Variants in DYNC2I1 observed in about 807,000 individuals in gnomAD.
The protein encoded by DYNC2I1 is dynein 2 intermediate chain 1.
A neutral mutation model predicts 133.4 loss-of-function variants in DYNC2I1; 89 were observed. The ratio of observed to expected loss-of-function variants is 0.67; its 90% CI spans 0.56 to 0.80. The LOEUF (loss-of-function observed/expected upper bound fraction) is 0.80, where lower values mean the gene tolerates loss of function less well. DYNC2I1 is among the 30% of genes least tolerant of loss of function. DYNC2I1 has a pLI of 0.00. For synonymous variants in DYNC2I1, 504 were observed against 484.3 expected (o/e 1.04, Z -0.54); for missense variants, 1,291 against 1,314.5 (o/e 0.98, Z 0.28).
At chr7:158,922,334 C>G (rs1849181826) in intron 15 of DYNC2I1, 43 bp from the exon 16 acceptor site, 1 of 1,580,818 alleles carries the variant, frequency 6.3e-7, no homozygotes, top group Admixed American at 1.8e-5. Context: ...AACTTGGATT[C>G]TGGCAGGTCG....
At chr7:158,918,367 C>G (rs1469072059) in intron 14 of DYNC2I1, among the ~76,000 whole-genome samples, 1 of 152,146 alleles carries the variant, frequency 6.6e-6, no homozygotes, top group East Asian at 1.9e-4. Flanking sequence ...TTTTACCACT[C>G]ACTCTGGCTT....
At chr7:158,843,356 G>A in the DYNC2I1 span, among the ~76,000 whole-genome samples, 1 of 152,166 alleles carries the variant, frequency 6.6e-6, no homozygotes, top group South Asian at 2.1e-4. Flanking sequence ...CACCTCTCAG[G>A]TTCAAGCAAT....
intron 1 of DYNC2I1, among the ~76,000 whole-genome samples, chr7:158,866,389 T>C (rs1305051451): frequency 6.6e-6 from 1 of 151,254 alleles, no homozygotes; most frequent in Admixed American, 6.6e-5. Context: ...CCCCTCTCTG[T>C]GGTGCCCACG....
In DYNC2I1 at chr7:158,864,124, G is replaced by A. The variant is rs570711938; in HGVS notation, c.16-5731G>A. ...GGACGTCCTTAGCTCCGGGTGTGGG[G>A]GGGGGAGCAGACGTTCTTAGCTCTG... On this transcript the variant is annotated intron_variant, in intron 1 of 24. Coordinates refer to ENST00000407559, the MANE Select transcript of DYNC2I1 (RefSeq NM_018051.5). Among the ~76,000 whole-genome samples the A allele has an allele frequency of 7.3e-5, 11 of 151,410 alleles. 1 individual carries two copies. Among genetic ancestry groups the A allele is most frequent in the South Asian group, 6.3e-4 (3 of 4,776 alleles).
intron 11 of DYNC2I1, 62 bp from the exon 12 acceptor site, chr7:158,911,488 C>T: frequency 1.3e-6 from 2 of 1,563,652 alleles, no homozygotes; most frequent in Non-Finnish European, 1.7e-6. Flanking sequence ...TCTGTTCTCC[C>T]TACACTTCCC....
At chr7:158,852,669 G>A (rs975085229), upstream of DYNC2I1, among the ~76,000 whole-genome samples, 1 of 152,112 alleles carries the variant, frequency 6.6e-6, no homozygotes, top group Non-Finnish European at 1.5e-5. Flanking sequence ...AACCCTGGAG[G>A]CGGAGGTTGC....
upstream of DYNC2I1, among the ~76,000 whole-genome samples, chr7:158,853,204 A>T (rs557573566): frequency 3.9e-5 from 6 of 152,284 alleles, no homozygotes; most frequent in African/African-American, 1.4e-4. Context: ...CAAGGGGAGG[A>T]TGTAAACCAA....
At chr7:158,873,213 T>C (rs532124957) in intron 3 of DYNC2I1, among the ~76,000 whole-genome samples, 100 of 152,354 alleles carry the variant, frequency 6.6e-4, no homozygotes, top group African/African-American at 2.3e-3. Flanking sequence ...TTCTTCAGTA[T>C]TTTTTGGTTA....
intron 8 of DYNC2I1, among the ~76,000 whole-genome samples, chr7:158,897,070 A>G (rs1448441629): frequency 2.1e-5 from 3 of 143,396 alleles, no homozygotes; most frequent in African/African-American, 5.3e-5. Flanking sequence ...TGCAGCCTCC[A>G]CCTCCTGGGT....
intron 3 of DYNC2I1, among the ~76,000 whole-genome samples, chr7:158,875,515 T>A (rs973218016): frequency 6.6e-6 from 1 of 152,240 alleles, no homozygotes; most frequent in Non-Finnish European, 1.5e-5. Flanking sequence ...TGTGTGCAGA[T>A]TCAGAAGTGA....
upstream of DYNC2I1, among the ~76,000 whole-genome samples, chr7:158,853,574 C>G (rs1051932275): frequency 1.3e-5 from 2 of 151,726 alleles, no homozygotes; most frequent in Admixed American, 1.3e-4. Context: ...GCTGCTCAGA[C>G]AGAGATGATT....
At chr7:158,894,340 T>C (rs1246783938) in intron 8 of DYNC2I1, among the ~76,000 whole-genome samples, 1 of 152,200 alleles carries the variant, frequency 6.6e-6, no homozygotes, top group African/African-American at 2.4e-5. Context: ...TCCAAAGTAG[T>C]TTCCACTCAG....
At chr7:158,929,113 C>T (rs1849930021) in intron 20 of DYNC2I1, among the ~76,000 whole-genome samples, 1 of 152,224 alleles carries the variant, frequency 6.6e-6, no homozygotes, top group Admixed American at 6.5e-5. Flanking sequence ...GAACCACTTA[C>T]CCAAATTGCA....
At chr7:158,905,886 C>T in intron 10 of DYNC2I1, 103 bp from the exon 11 acceptor site, 1 of 806,130 alleles carries the variant, frequency 1.2e-6, no homozygotes, top group Non-Finnish European at 2.0e-6. Flanking sequence ...GGTTTATTGA[C>T]TATAATTGTT....
intron 23 of DYNC2I1, among the ~76,000 whole-genome samples, chr7:158,940,109 G>T (rs1409594379): frequency 6.6e-6 from 1 of 152,140 alleles, no homozygotes; most frequent in Non-Finnish European, 1.5e-5. Context: ...CAACAAAGAA[G>T]CATCAGAGTT....
chr7:158,866,351 T>C (rs986199122), intron 1 of DYNC2I1, among the ~76,000 whole-genome samples: 7 of 151,614 alleles, frequency 4.6e-5, no homozygotes, highest in African/African-American at 1.7e-4. Flanking sequence ...TGTCTCCTGG[T>C]TGGACTGTCC....
At chr7:158,917,678 C>G (rs1848606385) in intron 14 of DYNC2I1, among the ~76,000 whole-genome samples, 2 of 149,124 alleles carry the variant, frequency 1.3e-5, no homozygotes, top group African/African-American at 5.0e-5. Context: ...CCTCCACACT[C>G]CACCCTCCAC....
At chr7:158,896,506 C>T (rs998490614) in intron 8 of DYNC2I1, among the ~76,000 whole-genome samples, 2 of 152,128 alleles carry the variant, frequency 1.3e-5, no homozygotes, top group Middle Eastern at 3.2e-3. Context: ...GGTGTTAACT[C>T]TGTCGCTCAG....
chr7:158,933,244 C>CT (rs1339603480), intron 21 of DYNC2I1, among the ~76,000 whole-genome samples: 1 of 152,128 alleles, frequency 6.6e-6, no homozygotes. Context: ...AAAAATAAAA[C>CT]TAAGTATAGT....
Sources: gnomAD v4.1 joint callset for allele counts (sites outside exome capture counted in the v4.1 genomes callset) on GRCh38, gnomAD v4.1.1 for gene constraint, MANE v1.5 for transcripts, NCBI Gene and HGNC (gene_info 2026-07-23, HGNC 2026-07-21) for gene names.